Variants in THSD7B observed in about 807,000 individuals in gnomAD.
THSD7B encodes the protein thrombospondin type-1 domain-containing protein 7B.
In THSD7B, 138 loss-of-function variants were observed where a neutral mutation model predicts 213.6. The observed-to-expected ratio is 0.65, with a 90% CI of 0.56 to 0.74. The LOEUF (loss-of-function observed/expected upper bound fraction) is 0.74. THSD7B is among the 30% of genes least tolerant of loss of function. The pLI, the probability that THSD7B is intolerant of heterozygous loss-of-function variation, is 0.00. For synonymous variants in THSD7B, 742 were observed against 687.0 expected, an observed-to-expected ratio of 1.08 and a Z score of -1.25; for missense variants, 1,931 against 1,991.5, an observed-to-expected ratio of 0.97 and a Z score of 0.58.
At chr2:137,519,348 G>C (rs181694639) in intron 15 of THSD7B, among the ~76,000 whole-genome samples, 2 of 152,264 alleles carry the variant, frequency 1.3e-5, no homozygotes, top group East Asian at 3.9e-4. Context: ...GTCCATAAGA[G>C]TTTTCTTGCC....
At chr2:137,280,702 AT>A (rs1251103442) in intron 12 of THSD7B, among the ~76,000 whole-genome samples, 2 of 152,030 alleles carry the variant, frequency 1.3e-5, no homozygotes, top group Admixed American at 1.3e-4. Flanking sequence ...TATCAGAATA[AT>A]TTTTTTAATG....
chr2:137,117,582 C>A (rs952165507), intron 5 of THSD7B, among the ~76,000 whole-genome samples: 1 of 152,112 alleles, frequency 6.6e-6, no homozygotes, highest in Non-Finnish European at 1.5e-5. Flanking sequence ...CAAGGTTAAT[C>A]TTCCCCTAGA....
intron 2 of THSD7B, among the ~76,000 whole-genome samples, chr2:136,912,337 A>T (rs1019296982): frequency 6.6e-6 from 1 of 150,554 alleles, no homozygotes; most frequent in South Asian, 2.1e-4. Context: ...AAAAAAAAAA[A>T]AAAAAAAAAA....
At chr2:137,334,061 T>C (rs1265896015) in intron 12 of THSD7B, among the ~76,000 whole-genome samples, 1 of 152,222 alleles carries the variant, frequency 6.6e-6, no homozygotes, top group Non-Finnish European at 1.5e-5. Context: ...AGACAATATG[T>C]AGACATGTAT....
Position 137,095,063 on chromosome 2 carries a change from G to A in THSD7B, c.1141G>A (p.Glu381Lys). ...MAIGGGKECP[E>K]LLEKEACIVE... is the part of the protein sequence containing the mutation. Reference sequence around the variant, plus strand: ...TATTGGAGGTGGAAAGGAGTGTCCTGAACTTCTTGAGAAAGAGGCCTGCAT... The same window carrying A: ...TATTGGAGGTGGAAAGGAGTGTCCTAAACTTCTTGAGAAAGAGGCCTGCAT... The change falls in exon 4 of 28, where the codon GAA becomes AAA. Residue 381 changes from glutamate (E) to lysine (K), a missense_variant. Glu to Lys is a moderately conservative substitution (Grantham distance 56). Transcript: ENST00000409968. 7 of 1,613,848 alleles carry A rather than the reference G, an allele frequency of 4.3e-6. No individual in the cohort carries two copies. Among genetic ancestry groups the A allele is most frequent in the Admixed American group, 1.7e-5 (1 of 59,944 alleles).
At chr2:137,536,809 G>A (rs1182265393) in intron 15 of THSD7B, among the ~76,000 whole-genome samples, 1 of 151,608 alleles carries the variant, frequency 6.6e-6, no homozygotes, top group African/African-American at 2.4e-5. Flanking sequence ...ATGACAAAGA[G>A]GTGCTTTTGA....
At chr2:137,378,761 C>T (rs1483399973) in intron 12 of THSD7B, among the ~76,000 whole-genome samples, 1 of 152,130 alleles carries the variant, frequency 6.6e-6, no homozygotes, top group Non-Finnish European at 1.5e-5. Flanking sequence ...CTCCCTAAGC[C>T]AGAGCTGGTC....
intron 11 of THSD7B, among the ~76,000 whole-genome samples, chr2:137,274,098 G>C (rs1249502251): frequency 1.3e-5 from 2 of 152,016 alleles, no homozygotes; most frequent in Non-Finnish European, 2.9e-5. Context: ...CAGTTCTACT[G>C]TGTATGAATT....
intron 12 of THSD7B, among the ~76,000 whole-genome samples, chr2:137,317,951 G>A (rs1684164898): frequency 6.6e-6 from 1 of 152,028 alleles, no homozygotes; most frequent in Admixed American, 6.6e-5. Context: ...GAAGAAAAAG[G>A]ATCCATGCTG....
intron 2 of THSD7B, among the ~76,000 whole-genome samples, chr2:137,010,414 T>C (rs1686208045): frequency 6.6e-6 from 1 of 152,266 alleles, no homozygotes; most frequent in Non-Finnish European, 1.5e-5. Context: ...TGCTATTTTC[T>C]TACTAATAAA....
chr2:137,633,360 G>A (rs1456771933), intron 20 of THSD7B, among the ~76,000 whole-genome samples: 1 of 152,066 alleles, frequency 6.6e-6, no homozygotes, highest in African/African-American at 2.4e-5. Flanking sequence ...TAGGAGAAAG[G>A]TGTTAGCACA....
In THSD7B at chr2:136,905,920, G is replaced by A. The variant is rs570001518; in HGVS notation, c.139+23603G>A. Among the ~76,000 whole-genome samples, 58 of 152,270 alleles carry A rather than the reference G, an allele frequency of 3.8e-4. 1 individual carries two copies. Among genetic ancestry groups the A allele is most frequent in the East Asian group, 3.9e-4 (2 of 5,176 alleles). ...CATGTGCCTCTGAATCTTGAACACC[G>A]GGTGAGGAATACTTACAGCTAAAGG... On this transcript the variant is annotated intron_variant, in intron 2 of 27. Coordinates refer to ENST00000409968, the MANE Select transcript of THSD7B (RefSeq NM_001316349.2).
intron 2 of THSD7B, among the ~76,000 whole-genome samples, chr2:137,009,533 T>C (rs1686184370): frequency 6.6e-6 from 1 of 151,834 alleles, no homozygotes; most frequent in Non-Finnish European, 1.5e-5. Context: ...GAAATAGAGG[T>C]TTAATGGACT....
At chr2:136,946,940 TGG>T (rs141305150) in intron 2 of THSD7B, among the ~76,000 whole-genome samples, 4,211 of 152,314 alleles carry the variant, frequency 0.028, 194 homozygotes, top group African/African-American at 0.095. Flanking sequence ...TTGCACTTCC[TGG>T]GTGAGGTGAT....
chr2:137,104,951 G>A lies in THSD7B; in HGVS notation c.1199+9830G>A, dbSNP rs1383460136. ...AACCAAAAAAATTGCAGGACCAAACGGATTCACAGCCGAATTCTACCAGAG... is the reference window on the plus strand; with the variant it reads ...AACCAAAAAAATTGCAGGACCAAACAGATTCACAGCCGAATTCTACCAGAG... On this transcript the variant is annotated intron_variant, in intron 4 of 27. Transcript: ENST00000409968. 3.3e-5 allele frequency among the ~76,000 whole-genome samples: 5 copies of A among 152,118 alleles called. No individual in the cohort carries two copies. In the East Asian group the frequency reaches 5.8e-4, roughly 18 times the overall value.
At chr2:137,475,554 T>A (rs1348097769) in intron 15 of THSD7B, among the ~76,000 whole-genome samples, 1 of 152,192 alleles carries the variant, frequency 6.6e-6, no homozygotes, top group African/African-American at 2.4e-5. Context: ...CTATTTTAGA[T>A]CCCACATATG....
At chr2:137,296,000 T>A (rs1683454282) in intron 12 of THSD7B, among the ~76,000 whole-genome samples, 1 of 152,162 alleles carries the variant, frequency 6.6e-6, no homozygotes. Flanking sequence ...TATTTTACAG[T>A]CATCATTAAA....
chr2:137,246,492 G>A (rs888302336), intron 10 of THSD7B, among the ~76,000 whole-genome samples: 1 of 152,164 alleles, frequency 6.6e-6, no homozygotes, highest in Non-Finnish European at 1.5e-5. Flanking sequence ...TTGTGACATA[G>A]CAATGGATGA....
At chr2:137,567,680 T>A (rs1681267143) in intron 16 of THSD7B, among the ~76,000 whole-genome samples, 1 of 152,108 alleles carries the variant, frequency 6.6e-6, no homozygotes, top group Non-Finnish European at 1.5e-5. Context: ...GCCTCAAAAA[T>A]GTCTGTTAGG....
Sources: allele counts gnomAD v4.1 joint callset (sites outside exome capture counted in the v4.1 genomes callset), GRCh38; gene constraint gnomAD v4.1.1; transcripts MANE v1.5; gene names NCBI Gene and HGNC (gene_info 2026-07-23, HGNC 2026-07-21).